The following HS3ST5 variants were observed in gnomAD, a reference collection of about 807,000 sequenced individuals.
HS3ST5 encodes heparan sulfate-glucosamine 3-sulfotransferase 5.
A neutral mutation model predicts 25.4 loss-of-function variants in HS3ST5; 10 were observed. The ratio of observed to expected loss-of-function variants is 0.39; its 90% CI spans 0.24 to 0.67. HS3ST5 has a LOEUF of 0.67. HS3ST5 is among the 30% of genes least tolerant of loss of function. The probability of loss-of-function intolerance (pLI) is 0.44; values close to 1 mark genes in which losing one functional copy is unlikely to be tolerated. For missense variants in HS3ST5, 324 were observed against 420.7 expected (o/e 0.77, Z 2.01); for synonymous variants, 170 against 162.4 (o/e 1.05, Z -0.36).
chr6:114,342,840 G>A lies in HS3ST5; in HGVS notation c.-984C>T, dbSNP rs1251752371. 1 of 152,652 alleles carries A rather than the reference G, an allele frequency of 6.6e-6. No homozygotes were observed. The highest frequency in any genetic ancestry group is 2.4e-5 in the African/African-American group (1 of 41,448). 9.5% of individuals were successfully genotyped at this position (152,652 alleles called of 1,614,324 possible). ...GAGCCTCCGGTGCCAAGCTGTGCGG[G>A]CGCCCCGCTCCCCGCGGCTGGCGCT... On this transcript the variant is annotated 5_prime_UTR_variant, in exon 1 of 5. Coordinates refer to ENST00000312719, the MANE Select transcript of HS3ST5 (RefSeq NM_153612.4).
chr6:114,294,602 C>T (rs1180025948), intron 1 of HS3ST5, among the ~76,000 whole-genome samples: 1 of 152,086 alleles, frequency 6.6e-6, no homozygotes, highest in Non-Finnish European at 1.5e-5. Flanking sequence ...CCCGCCACTG[C>T]GCCCAGCTAA....
chr6:114,208,514 G>C (rs1357683907), intron 2 of HS3ST5, among the ~76,000 whole-genome samples: 1 of 152,062 alleles, frequency 6.6e-6, no homozygotes, highest in East Asian at 1.9e-4. Flanking sequence ...CTTCCTAGCT[G>C]GGGGAGAATA....
At chr6:114,148,221 G>T (rs1405591431) in intron 3 of HS3ST5, among the ~76,000 whole-genome samples, 1 of 152,126 alleles carries the variant, frequency 6.6e-6, no homozygotes, top group Non-Finnish European at 1.5e-5. Flanking sequence ...GGGAAAACTG[G>T]CTAGCCATAT....
intron 2 of HS3ST5, among the ~76,000 whole-genome samples, chr6:114,225,804 G>A (rs890750153): frequency 1.3e-5 from 2 of 151,790 alleles, no homozygotes; most frequent in African/African-American, 4.8e-5. Flanking sequence ...TTTATTTTCT[G>A]CTTCTTGAAA....
At chr6:114,252,542 T>A (rs2139413) in intron 1 of HS3ST5, among the ~76,000 whole-genome samples, 85,976 of 152,034 alleles carry the variant, frequency 0.57, 25,100 homozygotes, top group African/African-American at 0.72. Flanking sequence ...ATTTGAGGAT[T>A]ATTGTGGGGG....
At chr6:114,194,407 C>T (rs952556478) in intron 2 of HS3ST5, among the ~76,000 whole-genome samples, 7 of 152,132 alleles carry the variant, frequency 4.6e-5, no homozygotes, top group African/African-American at 1.7e-4. Flanking sequence ...GATGGGAGGT[C>T]GGACACACTT....
intron 1 of HS3ST5, among the ~76,000 whole-genome samples, chr6:114,307,936 A>C (rs1775366052): frequency 6.6e-6 from 1 of 152,168 alleles, no homozygotes; most frequent in Non-Finnish European, 1.5e-5. Context: ...GTGCAATATT[A>C]AGACTGATTA....
chr6:114,155,057 G>A (rs1322501718), intron 3 of HS3ST5, among the ~76,000 whole-genome samples: 3 of 152,158 alleles, frequency 2.0e-5, no homozygotes, highest in Admixed American at 6.5e-5. Context: ...GACCCAGCAC[G>A]GAGAGGCACC....
rs1011641899 is a variant in HS3ST5 at position 114,199,414 on chromosome 6, TA to T, written c.-145+29170del. 9.9e-5 allele frequency among the ~76,000 whole-genome samples: 15 copies of T among 151,956 alleles called. No individual in the cohort carries two copies. The East Asian group carries it at 1.7e-3, about 18-fold the overall frequency. On this transcript the variant is annotated intron_variant, in intron 2 of 4. Coordinates refer to ENST00000312719, the MANE Select transcript of HS3ST5 (RefSeq NM_153612.4). ...ATATTGTTCCTATGAAATGCTCCAT[TA>T]AAAAAAATATTCTATGCCCAAATAA...
chr6:114,328,943 G>A (rs1413893608), intron 1 of HS3ST5, among the ~76,000 whole-genome samples: 1 of 152,150 alleles, frequency 6.6e-6, no homozygotes, highest in Admixed American at 6.6e-5. Context: ...TAGTGCATGA[G>A]TCATAAAGTT....
At chr6:114,212,145 C>G (rs143078402) in intron 2 of HS3ST5, among the ~76,000 whole-genome samples, 1 of 152,192 alleles carries the variant, frequency 6.6e-6, no homozygotes, top group Non-Finnish European at 1.5e-5. Flanking sequence ...TAACCAGGCT[C>G]CTTAGTAGAC....
At chr6:114,077,716 A>T (rs746624754) in intron 3 of HS3ST5, among the ~76,000 whole-genome samples, 1 of 152,214 alleles carries the variant, frequency 6.6e-6, no homozygotes, top group Non-Finnish European at 1.5e-5. Context: ...ATCTATTTTA[A>T]AATCAAAGGT....
chr6:114,123,345 A>C (rs763251328), intron 3 of HS3ST5, among the ~76,000 whole-genome samples: 1 of 152,244 alleles, frequency 6.6e-6, no homozygotes, highest in Non-Finnish European at 1.5e-5. Flanking sequence ...TGTAGAAATG[A>C]GAAAACTAAG....
intron 1 of HS3ST5, among the ~76,000 whole-genome samples, chr6:114,275,014 C>T (rs1052275175): frequency 6.6e-6 from 1 of 151,506 alleles, no homozygotes; most frequent in Middle Eastern, 3.4e-3. Flanking sequence ...TATACAACTA[C>T]ACAACTATAC....
intron 3 of HS3ST5, among the ~76,000 whole-genome samples, chr6:114,163,905 C>A (rs1017223755): frequency 5.3e-5 from 8 of 152,090 alleles, no homozygotes; most frequent in Non-Finnish European, 8.8e-5. Context: ...TATTAGTTTA[C>A]TAATCTACTT....
At chr6:114,149,935 G>A (rs986746013) in intron 3 of HS3ST5, among the ~76,000 whole-genome samples, 1 of 152,142 alleles carries the variant, frequency 6.6e-6, no homozygotes, top group Non-Finnish European at 1.5e-5. Flanking sequence ...ATATCAAGAA[G>A]AGACAGGCTT....
chr6:114,282,231 T>C (rs988092220), intron 1 of HS3ST5, among the ~76,000 whole-genome samples: 6 of 152,032 alleles, frequency 3.9e-5, no homozygotes, highest in Middle Eastern at 3.2e-3. Context: ...TCTTGTTTAC[T>C]TTGAAGGCTA....
chr6:114,315,037 C>T (rs539721313), intron 1 of HS3ST5, among the ~76,000 whole-genome samples: 2 of 152,200 alleles, frequency 1.3e-5, no homozygotes, highest in African/African-American at 4.8e-5. Context: ...CTCCATCATC[C>T]TCCACCATTT....
At chr6:114,179,332 T>C (rs1315629594) in intron 2 of HS3ST5, among the ~76,000 whole-genome samples, 1 of 152,168 alleles carries the variant, frequency 6.6e-6, no homozygotes, top group African/African-American at 2.4e-5. Flanking sequence ...ACCAATTCAC[T>C]GAGATGTGAG....
Sources: gnomAD v4.1 joint callset for allele counts (sites outside exome capture counted in the v4.1 genomes callset) on GRCh38, gnomAD v4.1.1 for gene constraint, MANE v1.5 for transcripts, NCBI Gene and HGNC (gene_info 2026-07-23, HGNC 2026-07-21) for gene names.